The following ANKS1B variants were observed in gnomAD, a reference collection of about 807,000 sequenced individuals.
ANKS1B encodes the protein ankyrin repeat and sterile alpha motif domain-containing protein 1B.
ANKS1B carries 36 observed loss-of-function variants against 148.3 expected under a neutral mutation model. That is an observed-to-expected ratio of 0.24 (90% confidence interval 0.19 to 0.32). The LOEUF is 0.32. ANKS1B is among the 10% of genes least tolerant of loss of function. The pLI is 1.00. For missense variants in ANKS1B, 1,157 were observed against 1,542.6 expected (o/e 0.75, Z 4.19); for synonymous variants, 542 against 560.8 (o/e 0.97, Z 0.47).
chr12:98,830,735 G>A (rs2099301242), intron 18 of ANKS1B, among the ~76,000 whole-genome samples: 1 of 152,000 alleles, frequency 6.6e-6, no homozygotes, highest in Admixed American at 6.6e-5. Flanking sequence ...CAGCTTTCAG[G>A]GAGATCTCAG....
intron 14 of ANKS1B, among the ~76,000 whole-genome samples, chr12:99,202,791 G>A (rs1217221219): frequency 1.3e-5 from 2 of 152,174 alleles, no homozygotes; most frequent in East Asian, 1.9e-4. Context: ...TGCTTCTTCT[G>A]TTAGTCTTGT....
At chr12:99,566,248 A>C (rs1480696325) in intron 9 of ANKS1B, among the ~76,000 whole-genome samples, 2 of 152,186 alleles carry the variant, frequency 1.3e-5, no homozygotes, top group Non-Finnish European at 2.9e-5. Context: ...ACAAGCAGTA[A>C]GAGAAAACCA....
chr12:99,884,131 CAACTT>C (rs1255287500), intron 1 of ANKS1B, among the ~76,000 whole-genome samples: 1 of 151,906 alleles, frequency 6.6e-6, no homozygotes, highest in Middle Eastern at 3.2e-3. Context: ...ACTTTTGCAA[CAACTT>C]AATAGTAAAT....
intron 11 of ANKS1B, among the ~76,000 whole-genome samples, chr12:99,412,222 C>T (rs1040773361): frequency 6.6e-6 from 1 of 152,018 alleles, no homozygotes; most frequent in Non-Finnish European, 1.5e-5. Flanking sequence ...GTTCATTAAG[C>T]CTGGTTTCTC....
intron 17 of ANKS1B, among the ~76,000 whole-genome samples, chr12:98,932,538 TC>T (rs2152969584): frequency 6.6e-6 from 1 of 152,296 alleles, no homozygotes; most frequent in African/African-American, 2.4e-5. Flanking sequence ...AATATAATCC[TC>T]CCTGTTCTGT....
In ANKS1B at chr12:98,837,347, A is replaced by G. The variant is rs974864405; in HGVS notation, c.2779-5211T>C. On this transcript the variant is annotated intron_variant, in intron 17 of 26. Transcript: ENST00000683438. ...GCAAGACTCTGTCTCAGAAAAAAAAAAAAAAGAAAAAGAAAAGGAAATAAA... is the reference window on the plus strand; with the variant it reads ...GCAAGACTCTGTCTCAGAAAAAAAAGAAAAAGAAAAAGAAAAGGAAATAAA... Among the ~76,000 whole-genome samples, 10 of 151,980 alleles carry G rather than the reference A, an allele frequency of 6.6e-5. 1 individual carries two copies. The highest frequency in any genetic ancestry group is 1.9e-4 in the East Asian group (1 of 5,178).
intron 17 of ANKS1B, among the ~76,000 whole-genome samples, chr12:98,911,526 T>C (rs2099786847): frequency 6.6e-6 from 1 of 152,230 alleles, no homozygotes; most frequent in East Asian, 1.9e-4. Context: ...ATGAATGCAC[T>C]ACCTTGGACT....
intron 9 of ANKS1B, among the ~76,000 whole-genome samples, chr12:99,631,820 G>C (rs541003793): frequency 6.6e-6 from 1 of 152,150 alleles, no homozygotes; most frequent in Non-Finnish European, 1.5e-5. Flanking sequence ...AAGAGAGAAG[G>C]AGAATTGAAA....
chr12:98,843,133 T>G (rs1429892451), intron 17 of ANKS1B, among the ~76,000 whole-genome samples: 3 of 152,240 alleles, frequency 2.0e-5, no homozygotes, highest in Non-Finnish European at 2.9e-5. Flanking sequence ...AGTGCTATGA[T>G]TTGAGTTTTC....
chr12:99,497,418 A>T (rs1474353261), intron 10 of ANKS1B, among the ~76,000 whole-genome samples: 1 of 152,162 alleles, frequency 6.6e-6, no homozygotes, highest in Non-Finnish European at 1.5e-5. Context: ...TAAACAATAG[A>T]AATGTATTGT....
At chr12:99,559,903 C>T (rs1387128263) in intron 9 of ANKS1B, among the ~76,000 whole-genome samples, 2 of 152,058 alleles carry the variant, frequency 1.3e-5, no homozygotes, top group South Asian at 4.1e-4. Flanking sequence ...AAATTTCCTC[C>T]TGAGAGGATT....
At chr12:99,060,672 C>T (rs2042120372) in intron 16 of ANKS1B, among the ~76,000 whole-genome samples, 1 of 95,884 alleles carries the variant, frequency 1.0e-5, no homozygotes, top group African/African-American at 3.3e-5. Context: ...CACACACACA[C>T]ACACACACAC....
At chr12:99,162,920 T>C (rs1446191500) in intron 14 of ANKS1B, among the ~76,000 whole-genome samples, 2 of 152,070 alleles carry the variant, frequency 1.3e-5, no homozygotes, top group East Asian at 3.9e-4. Context: ...TAGCCGGACA[T>C]GGTGGCAGGC....
At chr12:99,829,078 A>C (rs184623515) in intron 1 of ANKS1B, among the ~76,000 whole-genome samples, 14 of 152,318 alleles carry the variant, frequency 9.2e-5, no homozygotes, top group Admixed American at 3.9e-4. Context: ...ATCATAAGAA[A>C]AGTAGGACAC....
chr12:99,963,649 C>T lies in ANKS1B; in HGVS notation c.134+20455G>A, dbSNP rs139157745. ...AATGTTTACTAAAGAGCTTCCTGGA[C>T]GTTTCTTTGCTTAGATTTATTTCTA... On this transcript the variant is annotated intron_variant, in intron 1 of 26. Transcript: ENST00000683438. Among the ~76,000 whole-genome samples, 501 of 152,268 alleles carry T rather than the reference C, an allele frequency of 3.3e-3. 5 individuals are homozygous for T. Among genetic ancestry groups the T allele is most frequent in the African/African-American group, 0.011 (472 of 41,548 alleles).
chr12:99,484,084 A>G (rs1043909591), intron 10 of ANKS1B, among the ~76,000 whole-genome samples: 1 of 151,894 alleles, frequency 6.6e-6, no homozygotes, highest in African/African-American at 2.4e-5. Flanking sequence ...GAGATACAAC[A>G]TAAGGTTGTT....
At chr12:98,808,001 G>GA in intron 19 of ANKS1B, 83 bp from the exon 20 acceptor site, 1 of 1,064,794 alleles carries the variant, frequency 9.4e-7, no homozygotes, top group Non-Finnish European at 1.4e-6. Context: ...AGGAAAAGAG[G>GA]AAAATAATAA....
chr12:98,787,809 A>G (rs1373190668), intron 22 of ANKS1B, among the ~76,000 whole-genome samples: 2 of 152,020 alleles, frequency 1.3e-5, no homozygotes, highest in Non-Finnish European at 2.9e-5. Context: ...AGTCCCAGCT[A>G]CTCAGGAGGC....
intron 17 of ANKS1B, among the ~76,000 whole-genome samples, chr12:98,840,714 C>T (rs1451384072): frequency 2.0e-5 from 3 of 152,144 alleles, no homozygotes; most frequent in Admixed American, 6.6e-5. Flanking sequence ...GATGAAGGTA[C>T]TAATTTTCTG....
Sources: allele counts gnomAD v4.1 joint callset (sites outside exome capture counted in the v4.1 genomes callset), GRCh38; gene constraint gnomAD v4.1.1; transcripts MANE v1.5; gene names NCBI Gene and HGNC (gene_info 2026-07-23, HGNC 2026-07-21).